EDA: variants seen among roughly 807,000 people sequenced by gnomAD.
EDA encodes the protein ectodysplasin-A.
In EDA, 2 loss-of-function variants were observed where a neutral mutation model predicts 23.6. The observed-to-expected ratio is 0.08, with a 90% CI of 0.03 to 0.27. The LOEUF is 0.27. Ranked by LOEUF, EDA falls within the 10% of genes least tolerant of loss-of-function variation. The pLI is 1.00. For synonymous variants in EDA, 131 were observed against 132.0 expected, an observed-to-expected ratio of 0.99 and a Z score of 0.05; for missense variants, 229 against 324.2, an observed-to-expected ratio of 0.71 and a Z score of 2.26.
At chrX:69,791,907 G>T (rs2015415424) in intron 1 of EDA, among the ~76,000 whole-genome samples, 2 of 112,321 alleles carry the variant, frequency 1.8e-5, no homozygotes, top group South Asian at 7.4e-4. Context: ...CTCCCAAAGT[G>T]CTGGGATTCC....
intron 1 of EDA, among the ~76,000 whole-genome samples, chrX:69,807,383 C>A (rs1272788078): frequency 2.0e-5 from 2 of 101,096 alleles, no homozygotes; most frequent in Non-Finnish European, 2.0e-5. Flanking sequence ...TAGTCTGGGA[C>A]AACATGATGA....
chrX:69,745,592 G>A (rs1217247743), intron 1 of EDA, among the ~76,000 whole-genome samples: 1 of 111,987 alleles, frequency 8.9e-6, no homozygotes, highest in Non-Finnish European at 1.9e-5. Flanking sequence ...AAGAGACCCT[G>A]CAAATAAAAT....
At chrX:69,678,914 A>T (rs1295949299) in intron 1 of EDA, among the ~76,000 whole-genome samples, 65 of 89,829 alleles carry the variant, frequency 7.2e-4, no homozygotes, top group African/African-American at 2.9e-3. Flanking sequence ...TTCAAAGGGA[A>T]TGCTTCCAGT....
chrX:69,957,504 AC>A (rs200322695), intron 2 of EDA: 1,315 of 157,456 alleles, frequency 8.4e-3, no homozygotes, highest in Middle Eastern at 0.024. Context: ...AAAAAAAAAA[AC>A]CACTACCTTT....
At chrX:69,686,131 C>T (rs909017256) in intron 1 of EDA, among the ~76,000 whole-genome samples, 21 of 112,037 alleles carry the variant, frequency 1.9e-4, no homozygotes, top group African/African-American at 6.1e-4. Flanking sequence ...ACCTCAGCCT[C>T]CCGAGTAGCT....
chrX:69,742,000 A>C (rs2013474183), intron 1 of EDA, among the ~76,000 whole-genome samples: 1 of 112,162 alleles, frequency 8.9e-6, no homozygotes, highest in South Asian at 3.7e-4. Flanking sequence ...ACTCCTCCAG[A>C]GCTGGCAGCT....
intron 1 of EDA, chrX:69,749,681 T>A (rs1911186956): frequency 9.0e-6 from 1 of 111,541 alleles, no homozygotes; most frequent in East Asian, 2.8e-4. Context: ...TGTTATGACT[T>A]CATTAGTCTC....
At chrX:69,996,885 T>C (rs1237170790) in intron 2 of EDA, among the ~76,000 whole-genome samples, 1 of 112,419 alleles carries the variant, frequency 8.9e-6, no homozygotes, top group Non-Finnish European at 1.9e-5. Context: ...TGACTGTCAT[T>C]CTTTCTCTTG....
intron 1 of EDA, among the ~76,000 whole-genome samples, chrX:69,691,907 G>A (rs1271759476): frequency 9.8e-5 from 11 of 111,723 alleles, no homozygotes; most frequent in East Asian, 2.8e-4. Context: ...AAGTTTCTAC[G>A]TCCTATTAGT....
chrX:69,867,710 C>CTT (rs2017508158), intron 1 of EDA, among the ~76,000 whole-genome samples: 2 of 112,143 alleles, frequency 1.8e-5, no homozygotes, highest in Admixed American at 1.9e-4. Flanking sequence ...GTAATCTTCT[C>CTT]TTCCTCTGTC....
At chrX:70,020,182 G>A (rs769696861) in intron 2 of EDA, among the ~76,000 whole-genome samples, 1 of 111,801 alleles carries the variant, frequency 8.9e-6, no homozygotes, top group South Asian at 3.7e-4. Context: ...TACATGTAAG[G>A]AAAGCTTTTC....
intron 1 of EDA, among the ~76,000 whole-genome samples, chrX:69,699,758 C>T (rs868237588): frequency 1.8e-5 from 2 of 110,274 alleles, no homozygotes; most frequent in African/African-American, 3.3e-5. Flanking sequence ...AAAGTGAGGA[C>T]GGGGGCTGAG....
chrX:69,781,717 TAAAAC>T (rs1472626160), intron 1 of EDA, among the ~76,000 whole-genome samples: 1 of 111,246 alleles, frequency 9.0e-6, no homozygotes, highest in Non-Finnish European at 1.9e-5. Flanking sequence ...TATAGTCACT[TAAAAC>T]AAAGTATACT....
intron 1 of EDA, among the ~76,000 whole-genome samples, chrX:69,664,100 T>A (rs752698783): frequency 5.4e-5 from 6 of 111,939 alleles, no homozygotes; most frequent in Non-Finnish European, 1.1e-4. Flanking sequence ...AATGCTGAAA[T>A]GAGTTAAGAC....
At chrX:69,644,528 G>T (rs1244687577) in intron 1 of EDA, among the ~76,000 whole-genome samples, 1 of 111,267 alleles carries the variant, frequency 9.0e-6, no homozygotes, top group African/African-American at 3.3e-5. Context: ...AGATGATGGG[G>T]TTTTCTAGAT....
intron 1 of EDA, among the ~76,000 whole-genome samples, chrX:69,870,990 C>T (rs953491404): frequency 2.0e-4 from 22 of 111,524 alleles, no homozygotes; most frequent in African/African-American, 5.5e-4. Flanking sequence ...GAGCAACCAA[C>T]CAGCTTCATT....
intron 1 of EDA, among the ~76,000 whole-genome samples, chrX:69,828,374 C>T (rs993056745): frequency 8.0e-5 from 9 of 112,473 alleles, no homozygotes; most frequent in East Asian, 2.8e-4. Context: ...TAGGACCCTC[C>T]GAGTCAGGTG....
chrX:69,988,007 AC>A (rs1313636522), intron 2 of EDA, among the ~76,000 whole-genome samples: 1 of 111,101 alleles, frequency 9.0e-6, no homozygotes, highest in Non-Finnish European at 1.9e-5. Context: ...AGTAGATTTA[AC>A]CCCCCACCAT....
intron 1 of EDA, among the ~76,000 whole-genome samples, chrX:69,785,819 G>C (rs1357052221): frequency 9.3e-6 from 1 of 107,033 alleles, no homozygotes; most frequent in African/African-American, 3.4e-5. Flanking sequence ...AAATGAGTTA[G>C]GGAGGATTCC....
Sources: gnomAD v4.1 joint callset for allele counts (sites outside exome capture counted in the v4.1 genomes callset) on GRCh38, gnomAD v4.1.1 for gene constraint, MANE v1.5 for transcripts, NCBI Gene and HGNC (gene_info 2026-07-23, HGNC 2026-07-21) for gene names.